ZMAT4: variants seen among roughly 807,000 people sequenced by gnomAD.
ZMAT4 encodes zinc finger matrin-type 4.
ZMAT4 carries 17 observed loss-of-function variants against 28.7 expected under a neutral mutation model. That is an observed-to-expected ratio of 0.59 (90% CI 0.41 to 0.89). The LOEUF is 0.89. Ranked by LOEUF, ZMAT4 falls within the 40% of genes least tolerant of loss-of-function variation. ZMAT4 has a pLI of 0.00. For missense variants in ZMAT4, 240 were observed against 283.8 expected (o/e 0.85, Z 1.11); for synonymous variants, 117 against 109.2 (o/e 1.07, Z -0.44).
At chr8:40,895,295 G>T (rs1257124140) in intron 1 of ZMAT4, among the ~76,000 whole-genome samples, 1 of 152,138 alleles carries the variant, frequency 6.6e-6, no homozygotes, top group Non-Finnish European at 1.5e-5. Context: ...GGCATTCATC[G>T]GTCCTTGCAT....
chr8:40,552,934 T>C (rs1803411131), intron 6 of ZMAT4, among the ~76,000 whole-genome samples: 1 of 152,180 alleles, frequency 6.6e-6, no homozygotes, highest in African/African-American at 2.4e-5. Flanking sequence ...ATGCCTAGTG[T>C]TCCATTATTG....
At chr8:40,815,268 C>G (rs1203128727) in intron 2 of ZMAT4, among the ~76,000 whole-genome samples, 1 of 151,886 alleles carries the variant, frequency 6.6e-6, no homozygotes, top group Non-Finnish European at 1.5e-5. Flanking sequence ...GAGCAAGACT[C>G]CATCCAAAAA....
chr8:40,731,875 G>A (rs1811558287), intron 3 of ZMAT4, among the ~76,000 whole-genome samples: 2 of 152,218 alleles, frequency 1.3e-5, no homozygotes, highest in African/African-American at 2.4e-5. Flanking sequence ...ACATATAATG[G>A]AATAGTATCT....
intron 2 of ZMAT4, among the ~76,000 whole-genome samples, chr8:40,789,013 GAGGA>G (rs1814208262): frequency 1.6e-5 from 2 of 122,824 alleles, no homozygotes; most frequent in Non-Finnish European, 3.4e-5. Flanking sequence ...GGAAGGAAAA[GAGGA>G]AGGGAGGGAG....
intron 1 of ZMAT4, among the ~76,000 whole-genome samples, chr8:40,844,139 T>A (rs1816795305): frequency 6.6e-6 from 1 of 152,162 alleles, no homozygotes; most frequent in Non-Finnish European, 1.5e-5. Context: ...AGAATATTGT[T>A]TTTTTCTAAA....
intron 5 of ZMAT4, among the ~76,000 whole-genome samples, chr8:40,621,539 G>A (rs1806197668): frequency 1.3e-5 from 2 of 152,218 alleles, no homozygotes; most frequent in African/African-American, 4.8e-5. Flanking sequence ...TAGAAATGTG[G>A]GAGCAGGCAA....
chr8:40,878,102 G>A (rs971520640), intron 1 of ZMAT4, among the ~76,000 whole-genome samples: 2 of 152,192 alleles, frequency 1.3e-5, no homozygotes, highest in Admixed American at 6.5e-5. Context: ...ATGAATGAAT[G>A]AATGGCTTCC....
chr8:40,587,249 C>A (rs1804699615), intron 5 of ZMAT4, among the ~76,000 whole-genome samples: 1 of 151,962 alleles, frequency 6.6e-6, no homozygotes, highest in African/African-American at 2.4e-5. Context: ...AGTTTGTCAG[C>A]AAACCAGTAC....
chr8:40,696,503 C>A (rs1008068671), intron 4 of ZMAT4, among the ~76,000 whole-genome samples: 1 of 152,172 alleles, frequency 6.6e-6, no homozygotes, highest in Admixed American at 6.5e-5. Context: ...TCTGCCACAA[C>A]ATAAATCTTG....
rs181117218 is a variant in ZMAT4, at chr8:40,616,263, T to C, written c.578-35002A>G. Among the ~76,000 whole-genome samples, 600 of 152,234 alleles carry C rather than the reference T, an allele frequency of 3.9e-3. 14 individuals are homozygous for C. In the East Asian group the frequency reaches 0.071, roughly 18 times the overall value. On this transcript the variant is annotated intron_variant, in intron 5 of 6. Transcript: ENST00000297737. Reference sequence around the variant, plus strand: ...CAGTGCTGGAGAGGATGTGGAGAAATAGGAACACTTTTACACTGTTGGTGG... The same window carrying C: ...CAGTGCTGGAGAGGATGTGGAGAAACAGGAACACTTTTACACTGTTGGTGG...
At chr8:40,616,195 T>C (rs934614599) in intron 5 of ZMAT4, among the ~76,000 whole-genome samples, 2 of 152,178 alleles carry the variant, frequency 1.3e-5, no homozygotes, top group African/African-American at 4.8e-5. Context: ...AGATACCATC[T>C]CACACCAGTT....
intron 6 of ZMAT4, among the ~76,000 whole-genome samples, chr8:40,537,196 G>A (rs935343387): frequency 6.6e-6 from 1 of 152,126 alleles, no homozygotes; most frequent in African/African-American, 2.4e-5. Context: ...GCAGGACTTT[G>A]GACCCTAACA....
At chr8:40,737,670 G>A (rs1463819519) in intron 3 of ZMAT4, among the ~76,000 whole-genome samples, 1 of 152,126 alleles carries the variant, frequency 6.6e-6, no homozygotes, top group African/African-American at 2.4e-5. Flanking sequence ...TGAGAAGCCT[G>A]CGTAAACTTG....
intron 5 of ZMAT4, among the ~76,000 whole-genome samples, chr8:40,644,106 A>C (rs908609082): frequency 6.6e-6 from 1 of 152,184 alleles, no homozygotes; most frequent in Non-Finnish European, 1.5e-5. Context: ...GAGGGAAACC[A>C]TTTAGGACAC....
intron 4 of ZMAT4, among the ~76,000 whole-genome samples, chr8:40,683,240 C>T (rs1004036640): frequency 2.0e-5 from 3 of 152,126 alleles, no homozygotes; most frequent in African/African-American, 7.2e-5. Context: ...ACGATGAATG[C>T]CGGAATCAAT....
intron 5 of ZMAT4, among the ~76,000 whole-genome samples, chr8:40,646,201 G>C (rs1807305919): frequency 6.6e-6 from 1 of 151,416 alleles, no homozygotes; most frequent in Admixed American, 6.6e-5. Context: ...ATTAAATTTA[G>C]GATTTCCATT....
At chr8:40,590,483 T>C (rs57466358) in intron 5 of ZMAT4, among the ~76,000 whole-genome samples, 13,372 of 151,948 alleles carry the variant, frequency 0.088, 922 homozygotes, top group East Asian at 0.39. Context: ...AGGCTGAAAA[T>C]CAAACGGCTC....
chr8:40,861,803 A>C (rs1817503303), intron 1 of ZMAT4, among the ~76,000 whole-genome samples: 1 of 152,266 alleles, frequency 6.6e-6, no homozygotes, highest in African/African-American at 2.4e-5. Flanking sequence ...TATGCAGCCA[A>C]AAAGCACATG....
chr8:40,622,334 T>G, intron 5 of ZMAT4, among the ~76,000 whole-genome samples: 1 of 152,212 alleles, frequency 6.6e-6, no homozygotes, highest in East Asian at 1.9e-4. Flanking sequence ...AAAAGACCCT[T>G]GCCCCAAATG....
Sources: gnomAD v4.1 joint callset for allele counts (sites outside exome capture counted in the v4.1 genomes callset) on GRCh38, gnomAD v4.1.1 for gene constraint, MANE v1.5 for transcripts, NCBI Gene and HGNC (gene_info 2026-07-23, HGNC 2026-07-21) for gene names.